DOCK3: variants seen among roughly 807,000 people sequenced by gnomAD.
DOCK3 encodes the protein dedicator of cytokinesis 3, also known as dedicator of cytokinesis protein 3.
A neutral mutation model predicts 265.6 loss-of-function variants in DOCK3; 60 were observed. The observed-to-expected ratio is 0.23, with a 90% CI of 0.18 to 0.28. DOCK3 has a LOEUF of 0.28. Ranked by LOEUF, DOCK3 falls within the 10% of genes least tolerant of loss-of-function variation. The pLI is 1.00. For missense variants in DOCK3, 1,981 were observed against 2,594.3 expected (o/e 0.76, Z 5.14); for synonymous variants, 881 against 938.0 (o/e 0.94, Z 1.11).
intron 12 of DOCK3, among the ~76,000 whole-genome samples, chr3:51,196,503 G>A (rs1312195007): frequency 1.3e-5 from 2 of 152,116 alleles, no homozygotes; most frequent in African/African-American, 4.8e-5. Flanking sequence ...TTCCAATCCT[G>A]TCTTTGTCTC....
chr3:50,785,153 A>G (rs1171029698), intron 2 of DOCK3, among the ~76,000 whole-genome samples: 1 of 152,158 alleles, frequency 6.6e-6, no homozygotes, highest in Admixed American at 6.6e-5. Flanking sequence ...GCAAAACTCC[A>G]TCTCAAAAAA....
rs761053993 is a variant in DOCK3, at chr3:51,064,478, C to T, written c.346C>T (p.Arg116Cys). 1.5e-5 allele frequency: 24 copies of T among 1,613,848 alleles called. No individual in the cohort carries two copies. Among genetic ancestry groups the T allele is most frequent in the Middle Eastern group, 1.6e-4 (1 of 6,084 alleles). ...CAAAGTAGATCTTTTCTACAAACTA[C>T]GCCATGTGATGAATGAACTTATTGA... ...KHKVDLFYKL[R>C]HVMNELIDLR... Residue 116 changes from arginine to cysteine, a missense_variant, in exon 6 of 53, where the codon CGC (arginine) becomes TGC (cysteine). By Grantham distance (180) the Arg-to-Cys change is radical. Around this residue, in one of 4 missense-constraint regions of DOCK3, gnomAD observed 456 missense variants for 539.0 expected, o/e 0.85. Transcript: ENST00000266037.
intron 27 of DOCK3, among the ~76,000 whole-genome samples, chr3:51,304,338 A>G (rs2082527848): frequency 6.6e-6 from 1 of 151,942 alleles, no homozygotes; most frequent in South Asian, 2.1e-4. Flanking sequence ...GCAGGCAGCC[A>G]TAGTGATGCC....
intron 1 of DOCK3, among the ~76,000 whole-genome samples, chr3:50,776,633 A>C (rs750829616): frequency 1.3e-5 from 2 of 152,058 alleles, no homozygotes; most frequent in Non-Finnish European, 2.9e-5. Flanking sequence ...GGTCTTACTC[A>C]GGGATTCTTT....
chr3:50,695,256 A>G (rs1186285951), intron 1 of DOCK3, among the ~76,000 whole-genome samples: 1 of 152,268 alleles, frequency 6.6e-6, no homozygotes, highest in Non-Finnish European at 1.5e-5. Context: ...TTATGCATGT[A>G]TAAGCCAGAA....
Position 51,238,748 on chromosome 3 carries a change from T to C in DOCK3, c.2102+1158T>C, listed in dbSNP as rs935053783. Among the ~76,000 whole-genome samples, 4 of 152,208 alleles carry C rather than the reference T, an allele frequency of 2.6e-5. No individual in the cohort carries two copies. The East Asian group carries it at 7.7e-4, about 29-fold the overall frequency. On this transcript the variant is annotated intron_variant, in intron 21 of 52. Coordinates refer to ENST00000266037, the MANE Select transcript of DOCK3 (RefSeq NM_004947.5). Reference sequence around the variant, plus strand: ...TGCTGTGTTAGTTTGCTAAGAATAATGGTCTCCAGCTTCATCCATGTTTCT... The same window carrying C: ...TGCTGTGTTAGTTTGCTAAGAATAACGGTCTCCAGCTTCATCCATGTTTCT...
intron 4 of DOCK3, among the ~76,000 whole-genome samples, chr3:50,899,915 T>G (rs2049091109): frequency 6.6e-6 from 1 of 152,188 alleles, no homozygotes; most frequent in African/African-American, 2.4e-5. Flanking sequence ...ATTTTTTCCT[T>G]CATTTCAACC....
Position 51,075,210 on chromosome 3 carries a change from T to C in DOCK3, c.465-146T>C, listed in dbSNP as rs111413708. ...TTTACCCAGAAGTGAACAGAATTAG[T>C]TGTTGCTGTATAAAGACATGTTCCT... On this transcript the variant is annotated intron_variant, in intron 6 of 52. Transcript: ENST00000266037. 5.7e-5 allele frequency: 35 copies of C among 611,262 alleles called. 3 individuals are homozygous for C. Among genetic ancestry groups the C allele is most frequent in the African/African-American group, 4.1e-4 (22 of 54,194 alleles). The allele number at this position is 611,262 out of a possible 1,614,324, so 37.9% of individuals were successfully genotyped here.
chr3:51,050,951 ATTTTTATTAAATT>A (rs2080972413), intron 5 of DOCK3, among the ~76,000 whole-genome samples: 1 of 152,222 alleles, frequency 6.6e-6, no homozygotes, highest in African/African-American at 2.4e-5. Flanking sequence ...AAATGTTTTA[ATTTTTATTAAATT>A]TTTAGCTTTA....
chr3:50,761,745 A>T (rs761997948), intron 1 of DOCK3, among the ~76,000 whole-genome samples: 1 of 152,220 alleles, frequency 6.6e-6, no homozygotes, highest in Non-Finnish European at 1.5e-5. Flanking sequence ...GTCCGTTCCC[A>T]TCCCATTACT....
At chr3:51,329,676 T>C (rs1016400502) in intron 32 of DOCK3, among the ~76,000 whole-genome samples, 14 of 152,192 alleles carry the variant, frequency 9.2e-5, no homozygotes, top group African/African-American at 3.1e-4. Flanking sequence ...TTTAGCTCCA[T>C]TTAATGCCAG....
At chr3:51,281,387 C>T (rs1036692667) in intron 27 of DOCK3, among the ~76,000 whole-genome samples, 32 of 150,760 alleles carry the variant, frequency 2.1e-4, no homozygotes, top group African/African-American at 6.3e-4. Flanking sequence ...GCCCATGGGC[C>T]GTGGGTTAGA....
intron 2 of DOCK3, among the ~76,000 whole-genome samples, chr3:50,835,784 G>C (rs1247294042): frequency 6.6e-6 from 1 of 152,150 alleles, no homozygotes; most frequent in Non-Finnish European, 1.5e-5. Flanking sequence ...TATGGAACAA[G>C]ACAGTGCAAT....
intron 27 of DOCK3, among the ~76,000 whole-genome samples, chr3:51,283,018 C>T (rs1263564763): frequency 2.0e-5 from 3 of 152,166 alleles, no homozygotes; most frequent in East Asian, 3.8e-4. Flanking sequence ...CCCAGAAATG[C>T]AAGTTTAGCT....
intron 10 of DOCK3, among the ~76,000 whole-genome samples, chr3:51,146,851 G>A (rs529118810): frequency 7.0e-4 from 107 of 152,202 alleles, no homozygotes; most frequent in African/African-American, 2.4e-3. Context: ...ATATAATCAA[G>A]TACCTTTCAC....
intron 12 of DOCK3, among the ~76,000 whole-genome samples, chr3:51,188,328 G>A (rs1472995179): frequency 6.6e-6 from 1 of 152,154 alleles, no homozygotes; most frequent in African/African-American, 2.4e-5. Flanking sequence ...ACTGAAGACA[G>A]CATAGGTTAA....
chr3:50,880,961 G>A (rs944424860), intron 3 of DOCK3, among the ~76,000 whole-genome samples: 1 of 152,184 alleles, frequency 6.6e-6, no homozygotes, highest in Admixed American at 6.5e-5. Context: ...TGGGATGCAA[G>A]GCTGGTTCAA....
chr3:51,288,925 T>TGC (rs1317880775), intron 27 of DOCK3, among the ~76,000 whole-genome samples: 4 of 151,466 alleles, frequency 2.6e-5, no homozygotes, highest in Non-Finnish European at 4.4e-5. Context: ...TGTGTGTGTG[T>TGC]GCCCATGTGT....
intron 5 of DOCK3, 149 bp from the exon 6 acceptor site, chr3:51,064,299 C>T: frequency 1.0e-6 from 1 of 994,314 alleles, no homozygotes; most frequent in Non-Finnish European, 1.4e-6. Flanking sequence ...GAGGTAATGA[C>T]TTTCAGACTT....
Sources: allele counts gnomAD v4.1 joint callset (sites outside exome capture counted in the v4.1 genomes callset), GRCh38; gene constraint gnomAD v4.1.1; regional missense constraint gnomAD v4.1.1; transcripts MANE v1.5; gene names NCBI Gene and HGNC (gene_info 2026-07-23, HGNC 2026-07-21).